Variants in SGCE observed in about 807,000 individuals in gnomAD.
The protein encoded by SGCE is sarcoglycan epsilon.
SGCE carries 26 observed loss-of-function variants against 57.8 expected under a neutral mutation model. The ratio of observed to expected loss-of-function variants is 0.45; its 90% CI spans 0.33 to 0.62. The LOEUF is 0.62. SGCE is among the 20% of genes least tolerant of loss of function. SGCE has a pLI of 0.02. For synonymous variants in SGCE, 183 were observed against 189.5 expected (o/e 0.97, Z 0.28); for missense variants, 468 against 548.6 (o/e 0.85, Z 1.47).
At chr7:94,632,865 A>G (rs1002091166) in intron 1 of SGCE, among the ~76,000 whole-genome samples, 3 of 152,052 alleles carry the variant, frequency 2.0e-5, no homozygotes, top group Non-Finnish European at 4.4e-5. Context: ...AGCTATATAA[A>G]TAAAGCTGAT....
intron 7 of SGCE, 49 bp downstream of exon 7, chr7:94,600,597 G>C (rs1297462796): frequency 2.9e-6 from 4 of 1,365,170 alleles, no homozygotes; most frequent in Non-Finnish European, 4.2e-6. Flanking sequence ...CTTCTATGTT[G>C]TTATCTTAGC....
chr7:94,637,350 T>C (rs1805733974), intron 1 of SGCE, among the ~76,000 whole-genome samples: 1 of 152,136 alleles, frequency 6.6e-6, no homozygotes, highest in Admixed American at 6.5e-5. Flanking sequence ...AGAACTATAA[T>C]GATAGGATAT....
intron 2 of SGCE, 176 bp from the exon 3 acceptor site, chr7:94,628,535 C>G: frequency 1.7e-6 from 1 of 574,364 alleles, no homozygotes; most frequent in Non-Finnish European, 3.1e-6. Context: ...AAAAAAAATC[C>G]TTTTGGTTGT....
intron 5 of SGCE, among the ~76,000 whole-genome samples, chr7:94,609,831 A>C (rs1800727209): frequency 1.3e-5 from 2 of 152,194 alleles, no homozygotes; most frequent in African/African-American, 4.8e-5. Flanking sequence ...TACTTTTACC[A>C]TATGATCCAG....
chr7:94,651,751 G>A (rs1054629752), intron 1 of SGCE, among the ~76,000 whole-genome samples: 3 of 152,052 alleles, frequency 2.0e-5, no homozygotes, highest in Admixed American at 6.6e-5. Context: ...TCTTTAATAC[G>A]GTTACAGAAT....
chr7:94,654,515 T>G (rs1808321964), intron 1 of SGCE, among the ~76,000 whole-genome samples: 1 of 152,210 alleles, frequency 6.6e-6, no homozygotes, highest in African/African-American at 2.4e-5. Flanking sequence ...GTGAACATCC[T>G]AAAGATTAAA....
intron 10 of SGCE, chr7:94,587,019 G>A (rs1247334363): frequency 1.0e-6 from 1 of 982,818 alleles, no homozygotes; most frequent in Non-Finnish European, 1.2e-6. Context: ...GAAGGTAATA[G>A]GCTCTAGTGT....
chr7:94,611,013 G>A (rs1474121344), intron 5 of SGCE, among the ~76,000 whole-genome samples: 1 of 152,200 alleles, frequency 6.6e-6, no homozygotes, highest in Non-Finnish European at 1.5e-5. Context: ...TGCTGGTGAA[G>A]ATATGGAAAA....
At chr7:94,613,084 A>AT (rs1562831094) in intron 5 of SGCE, among the ~76,000 whole-genome samples, 1 of 152,206 alleles carries the variant, frequency 6.6e-6, no homozygotes, top group Non-Finnish European at 1.5e-5. Flanking sequence ...TACTGGCTAA[A>AT]TGAATGCATG....
rs557861177 is a variant in SGCE at position 94,623,379 on chromosome 7, G to A, written c.409C>T (p.Arg137Cys). Residue 137 changes from arginine to cysteine, a missense_variant, in exon 4 of 11, where the codon CGC becomes TGC. Physicochemically the swap from Arg to Cys is radical, Grantham distance 180. Coordinates refer to ENST00000648936, the MANE Select transcript of SGCE (RefSeq NM_003919.3). The part of the protein sequence containing the change: ...TIIEITAYNR[R>C]TFETARHNLI... ...TTATGCCTTGCAGTCTCAAAGGTGC[G>A]CCTGTTGTAGGCAGTTATCTATTAT... The A allele has an allele frequency of 5.0e-5, 80 of 1,602,254 alleles. No homozygotes were observed. Among genetic ancestry groups the A allele is most frequent in the Admixed American group, 3.7e-4 (22 of 59,812 alleles).
Position 94,603,405 on chromosome 7 carries a change from C to T in SGCE, c.710G>A (p.Arg237Gln), listed in dbSNP as rs1217843572. ...GADVPFSSCL[R>Q]EVENPQNQLR... ...TTGATTCTGTGGATTTTCAACTTCTCGTAAACAAGAAGAAAACGGGACATC... is the reference window on the plus strand; with the variant it reads ...TTGATTCTGTGGATTTTCAACTTCTTGTAAACAAGAAGAAAACGGGACATC... The change falls in exon 6 of 11, where the codon CGA (arginine) becomes CAA (glutamine). Residue 237 changes from arginine (R) to glutamine (Q), a missense_variant. Physicochemically the swap from Arg to Gln is conservative, Grantham distance 43. Coordinates refer to ENST00000648936, the MANE Select transcript of SGCE (RefSeq NM_003919.3). The T allele has an allele frequency of 1.9e-6, 3 of 1,612,960 alleles. No individual in the cohort carries two copies. The highest frequency in any genetic ancestry group is 1.1e-5 in the South Asian group (1 of 91,046).
At chr7:94,601,464 A>C (rs1177386465) in intron 6 of SGCE, among the ~76,000 whole-genome samples, 23 of 109,810 alleles carry the variant, frequency 2.1e-4, no homozygotes, top group Admixed American at 2.0e-3. Flanking sequence ...AAAAAAAAAA[A>C]AAAAAAAAAA....
At chr7:94,628,522 G>A (rs954569516) in intron 2 of SGCE, 163 bp from the exon 3 acceptor site, 19 of 574,530 alleles carry the variant, frequency 3.3e-5, no homozygotes, top group African/African-American at 2.1e-4. Context: ...AGGGCACCAC[G>A]TTAAAAAAAA....
At chr7:94,586,074 A>C (rs934259489) in intron 10 of SGCE, among the ~76,000 whole-genome samples, 4 of 150,026 alleles carry the variant, frequency 2.7e-5, no homozygotes, top group South Asian at 4.2e-4. Context: ...AAAAAAAAAA[A>C]AAAAAAAAAA....
chr7:94,598,844 C>G lies in SGCE; in HGVS notation c.1184G>C (p.Gly395Ala). The G allele has an allele frequency of 6.2e-7, 1 of 1,613,344 alleles. No homozygotes were observed. The highest frequency in any genetic ancestry group is 8.5e-7 in the Non-Finnish European group (1 of 1,179,302). ...STLPVFHPVT[G>A]EIIPPLHTDN... is the part of the protein sequence containing the mutation. ...TGTGTGTAAAGGAGGTATGATTTCC[C>G]CAGTCACAGGGTGGAACACAGGAAG... is the stretch of plus-strand genomic sequence containing the variant. The change falls in exon 9 of 11, where the codon GGG becomes GCG. Residue 395 changes from glycine (G) to alanine (A), a missense_variant. Transcript: ENST00000648936.
At chr7:94,648,596 T>C (rs1807445865) in intron 1 of SGCE, among the ~76,000 whole-genome samples, 1 of 152,188 alleles carries the variant, frequency 6.6e-6, no homozygotes, top group African/African-American at 2.4e-5. Context: ...TGTAGTCATC[T>C]GTTCTGTTTC....
In SGCE at chr7:94,603,278, A is replaced by C. The variant is rs757186866; in HGVS notation, c.825+12T>G. On this transcript the variant is annotated intron_variant, in intron 6 of 10. Transcript: ENST00000648936. ...TTTTAACTAAACTTGCAAAAACAAA[A>C]TAAAAACTTACCAATGAAATTTTGC... 1 of 1,607,716 alleles carries C rather than the reference A, an allele frequency of 6.2e-7. No individual in the cohort carries two copies. Among genetic ancestry groups the C allele is most frequent in the African/African-American group, 1.3e-5 (1 of 74,916 alleles).
intron 5 of SGCE, among the ~76,000 whole-genome samples, chr7:94,605,933 A>G (rs959897981): frequency 6.6e-6 from 1 of 152,042 alleles, no homozygotes; most frequent in Non-Finnish European, 1.5e-5. Context: ...GGTTCAAGCA[A>G]TTCTCCTGCC....
intron 1 of SGCE, chr7:94,644,749 TC>T: frequency 3.7e-6 from 2 of 537,354 alleles, no homozygotes; most frequent in Non-Finnish European, 6.2e-6. Flanking sequence ...TCTCTTACCA[TC>T]CCCATCCAAG....
Sources: allele counts gnomAD v4.1 joint callset (sites outside exome capture counted in the v4.1 genomes callset), GRCh38; gene constraint gnomAD v4.1.1; transcripts MANE v1.5; gene names NCBI Gene and HGNC (gene_info 2026-07-23, HGNC 2026-07-21).